ARPP21: variants seen among roughly 807,000 people sequenced by gnomAD.
ARPP21 encodes cAMP regulated phosphoprotein 21.
In ARPP21, 69 loss-of-function variants were observed where a neutral mutation model predicts 113.2. That is an observed-to-expected ratio of 0.61 (90% CI 0.50 to 0.74). ARPP21 has a LOEUF of 0.74. Ranked by LOEUF, ARPP21 falls within the 30% of genes least tolerant of loss-of-function variation. The pLI, the probability that ARPP21 is intolerant of heterozygous loss-of-function variation, is 0.00. For synonymous variants in ARPP21, 368 were observed against 375.5 expected, an observed-to-expected ratio of 0.98 and a Z score of 0.23; for missense variants, 1,070 against 1,037.4, an observed-to-expected ratio of 1.03 and a Z score of -0.43.
At chr3:35,696,528 GT>G (rs1401505660) in intron 9 of ARPP21, among the ~76,000 whole-genome samples, 1 of 151,458 alleles carries the variant, frequency 6.6e-6, no homozygotes, top group African/African-American at 2.4e-5. Context: ...TCCACGTTGT[GT>G]TCCTTCATCT....
Position 35,712,066 on chromosome 3 carries a change from G to T in ARPP21, c.897+2996G>T, listed in dbSNP as rs112685185. Reference sequence around the variant, plus strand: ...TATCCTCTATTGACACAAACATAAAGGCAGCACACTTTAGGGGACCCTCAT... The same window carrying T: ...TATCCTCTATTGACACAAACATAAATGCAGCACACTTTAGGGGACCCTCAT... On this transcript the variant is annotated intron_variant, in intron 11 of 20. Transcript: ENST00000684406. 2.4e-3 allele frequency among the ~76,000 whole-genome samples: 372 copies of T among 152,218 alleles called. 3 individuals carry two copies. The highest frequency in any genetic ancestry group is 8.4e-3 in the African/African-American group (347 of 41,528).
At chr3:35,755,798 G>A (rs1007917684) in intron 19 of ARPP21, among the ~76,000 whole-genome samples, 10 of 152,092 alleles carry the variant, frequency 6.6e-5, no homozygotes, top group Non-Finnish European at 1.2e-4. Context: ...CAGAGATGCA[G>A]TGGTACCCAT....
intron 19 of ARPP21, among the ~76,000 whole-genome samples, chr3:35,751,522 G>A (rs749964807): frequency 4.6e-5 from 7 of 152,048 alleles, no homozygotes; most frequent in South Asian, 4.1e-4. Context: ...AATTTCTCAC[G>A]GAAGACAATA....
In ARPP21 at chr3:35,768,054, C is replaced by T. The variant is rs1205797298; in HGVS notation, c.2137+24089C>T. On this transcript the variant is annotated intron_variant, in intron 19 of 20. Transcript: ENST00000684406. The stretch of plus-strand genomic sequence containing the variant: ...AAACGCATCCAGCTCCAGGCTCATA[C>T]CATGCCCAGTGCCCCATGCTTTTCC... 2.7e-5 allele frequency among the ~76,000 whole-genome samples: 4 copies of T among 150,694 alleles called. No individual in the cohort carries two copies. In the South Asian group the frequency reaches 8.4e-4, roughly 32 times the overall value.
intron 9 of ARPP21, among the ~76,000 whole-genome samples, chr3:35,696,441 T>C (rs566249819): frequency 5.7e-4 from 87 of 151,622 alleles, no homozygotes; most frequent in Non-Finnish European, 1.0e-3. Flanking sequence ...AGCCTCCAAC[T>C]ACACTTTTTG....
intron 19 of ARPP21, among the ~76,000 whole-genome samples, chr3:35,749,454 A>G (rs1033194650): frequency 6.9e-6 from 1 of 143,910 alleles, no homozygotes; most frequent in Non-Finnish European, 1.5e-5. Flanking sequence ...AAAAAAAGGA[A>G]CTTATAAAAT....
In ARPP21 at chr3:35,707,533, C is replaced by T. The variant is rs143462006; in HGVS notation, c.795+451C>T. 1.8e-4 allele frequency: 83 copies of T among 458,136 alleles called. No homozygotes were observed. In the East Asian group the frequency reaches 3.1e-3, roughly 17 times the overall value. 28.4% of individuals were successfully genotyped at this position (458,136 alleles called of 1,614,324 possible). A position where few individuals can be genotyped will look rare whatever the true frequency, so the allele number is the denominator to read the frequency against. On this transcript the variant is annotated intron_variant, in intron 10 of 20. Coordinates refer to ENST00000684406, the MANE Select transcript of ARPP21 (RefSeq NM_001385562.1). ...ACCGGTGTAGCTGTAAAGAACAAAC[C>T]TTGTTATGGTGAGGACAGGTGGATT...
chr3:35,764,161 GC>G (rs2095872958), intron 19 of ARPP21, among the ~76,000 whole-genome samples: 1 of 152,076 alleles, frequency 6.6e-6, no homozygotes, highest in Admixed American at 6.6e-5. Context: ...GAAGATTATG[GC>G]AAAAGTTTTC....
Position 35,689,167 on chromosome 3 carries a change from T to A in ARPP21, c.407-140T>A, listed in dbSNP as rs1015908608. ...TGATGTTATATTGCCAGATTGCTAG[T>A]TTTGAAACATGTATTTTTATACCAA... On this transcript the variant is annotated intron_variant, in intron 6 of 20. Coordinates refer to ENST00000684406, the MANE Select transcript of ARPP21 (RefSeq NM_001385562.1). The A allele has an allele frequency of 2.7e-4, 175 of 652,400 alleles. 3 individuals are homozygous for A. The highest frequency in any genetic ancestry group is 5.5e-4 in the South Asian group (31 of 56,116). 40.4% of individuals were successfully genotyped at this position (652,400 alleles called of 1,614,324 possible).
At chr3:35,726,774 C>T (rs566261115) in intron 14 of ARPP21, among the ~76,000 whole-genome samples, 2 of 152,202 alleles carry the variant, frequency 1.3e-5, no homozygotes, top group South Asian at 2.1e-4. Context: ...TGAGTTAGGA[C>T]GTGCTCCCTT....
chr3:35,721,631 C>T lies in ARPP21; in HGVS notation c.1022C>T (p.Thr341Ile). 1 of 1,612,936 alleles carries T rather than the reference C, an allele frequency of 6.2e-7. No individual in the cohort carries two copies. Among genetic ancestry groups the T allele is most frequent in the Non-Finnish European group, 8.5e-7 (1 of 1,179,108 alleles). The stretch of plus-strand genomic sequence containing the variant: ...GGCAACAGAGATGGCTCAGGGAGAA[C>T]ATCTGGGAGTCGACAGAGCAGCTCA... Reference protein sequence around the residue: ...FRGNRDGSGRTSGSRQSSSEN... With the variant: ...FRGNRDGSGRISGSRQSSSEN... Residue 341 changes from threonine (T) to isoleucine (I), a missense_variant, in exon 14 of 21, where the codon ACA (threonine) becomes ATA (isoleucine). By Grantham distance (89) the Thr-to-Ile change is moderately conservative. Coordinates refer to ENST00000684406, the MANE Select transcript of ARPP21 (RefSeq NM_001385562.1).
At chr3:35,708,191 G>C (rs1224930655) in intron 10 of ARPP21, among the ~76,000 whole-genome samples, 1 of 152,116 alleles carries the variant, frequency 6.6e-6, no homozygotes, top group Non-Finnish European at 1.5e-5. Context: ...CTGTTGAATG[G>C]ATGGATGAAT....
In ARPP21 at chr3:35,748,130, G is replaced by A. The variant is rs144484908; in HGVS notation, c.2137+4165G>A. On this transcript the variant is annotated intron_variant, in intron 19 of 20. Transcript: ENST00000684406. ...AGAAAGAAGAAAGAAAGAAAGAAAA[G>A]AAAGAAAGGGAGAAAGGAGAGAGAG... 3.8e-3 allele frequency among the ~76,000 whole-genome samples: 438 copies of A among 114,716 alleles called. 1 individual carries two copies. The highest frequency in any genetic ancestry group is 5.7e-3 in the Non-Finnish European group (308 of 53,870). The allele number at this position is 114,716 out of a possible 152,430, so 75.3% of individuals were successfully genotyped here. A position where few individuals can be genotyped will look rare whatever the true frequency, so the allele number is the denominator to read the frequency against.
Position 35,794,428 on chromosome 3 carries a change from G to GC in ARPP21, c.*470_*471insC. 1 of 156,236 alleles carries GC rather than the reference G, an allele frequency of 6.4e-6. No individual in the cohort carries two copies. The highest frequency in any genetic ancestry group is 6.2e-5 in the Admixed American group (1 of 16,246). The allele number at this position is 156,236 out of a possible 1,614,324, so 9.7% of individuals were successfully genotyped here. A position where few individuals can be genotyped will look rare whatever the true frequency, so the allele number is the denominator to read the frequency against. On this transcript the variant is annotated 3_prime_UTR_variant, in exon 21 of 21. Coordinates refer to ENST00000684406, the MANE Select transcript of ARPP21 (RefSeq NM_001385562.1). ...TTTAATGGATATATACTGTATTGTAGTGTTTAATCAAAATAAAACTATTTG... is the reference window on the plus strand; with the variant it reads ...TTTAATGGATATATACTGTATTGTAGCTGTTTAATCAAAATAAAACTATTTG...
At chr3:35,736,786 G>A (rs542984144) in intron 15 of ARPP21, among the ~76,000 whole-genome samples, 7 of 152,300 alleles carry the variant, frequency 4.6e-5, no homozygotes, top group Admixed American at 4.6e-4. Context: ...GTGTGTAACT[G>A]GAAAGCAGCC....
At chr3:35,713,703 ATCT>A (rs2091829805) in intron 11 of ARPP21, among the ~76,000 whole-genome samples, 1 of 152,140 alleles carries the variant, frequency 6.6e-6, no homozygotes, top group African/African-American at 2.4e-5. Flanking sequence ...TGGGCAAGGT[ATCT>A]TTGACTTGCT....
At chr3:35,691,978 G>C (rs2082371220) in intron 9 of ARPP21, among the ~76,000 whole-genome samples, 1 of 151,506 alleles carries the variant, frequency 6.6e-6, no homozygotes, top group African/African-American at 2.4e-5. Flanking sequence ...AGTGGGGATG[G>C]AGATGAGGCG....
intron 19 of ARPP21, among the ~76,000 whole-genome samples, chr3:35,765,175 ATAT>A (rs1158899032): frequency 6.6e-6 from 1 of 152,118 alleles, no homozygotes; most frequent in Admixed American, 6.6e-5. Flanking sequence ...TACACTGATA[ATAT>A]TATTATTTGT....
intron 6 of ARPP21, 43 bp downstream of exon 6, chr3:35,687,926 A>T: frequency 6.5e-7 from 1 of 1,537,922 alleles, no homozygotes; most frequent in Non-Finnish European, 8.7e-7. Context: ...ATTTGGGCAC[A>T]CACATAGTCA....
Sources: gnomAD v4.1 joint callset for allele counts (sites outside exome capture counted in the v4.1 genomes callset) on GRCh38, gnomAD v4.1.1 for gene constraint, MANE v1.5 for transcripts, NCBI Gene and HGNC (gene_info 2026-07-23, HGNC 2026-07-21) for gene names.